The following RNF11 variants were observed in gnomAD, a reference collection of about 807,000 sequenced individuals.
The protein encoded by RNF11 is ring finger protein 11.
Under a neutral mutation model 15.8 loss-of-function variants are expected in RNF11, and 4 were observed. That is an observed-to-expected ratio of 0.25 (90% CI 0.12 to 0.58). The LOEUF (loss-of-function observed/expected upper bound fraction) is 0.58, where lower values mean the gene tolerates loss of function less well. RNF11 is among the 20% of genes least tolerant of loss of function. RNF11 has a pLI of 0.91. For synonymous variants in RNF11, 68 were observed against 72.3 expected, an observed-to-expected ratio of 0.94 and a Z score of 0.30; for missense variants, 139 against 194.4, an observed-to-expected ratio of 0.71 and a Z score of 1.70.
At chr1:51,262,221 C>A (rs1190586341) in intron 1 of RNF11, among the ~76,000 whole-genome samples, 2 of 152,178 alleles carry the variant, frequency 1.3e-5, no homozygotes, top group Admixed American at 6.5e-5. Flanking sequence ...AGCCACTGCA[C>A]TTGGCCCCAA....
intron 1 of RNF11, among the ~76,000 whole-genome samples, chr1:51,262,629 T>TGTG (rs1284660580): frequency 2.0e-5 from 3 of 151,664 alleles, no homozygotes; most frequent in Non-Finnish European, 4.4e-5. Context: ...CTTATTGCAA[T>TGTG]GCCACCTCCC....
rs1050538320 is a variant in RNF11, at chr1:51,272,670, C to G, written c.*1348C>G. On this transcript the variant is annotated 3_prime_UTR_variant, in exon 3 of 3. Coordinates refer to ENST00000242719, the MANE Select transcript of RNF11 (RefSeq NM_014372.5). The stretch of plus-strand genomic sequence containing the variant: ...TCCATTTAGCATGTGTTTATTTTTT[C>G]ATATGTACTCAAAGGTGACTTATTG... 4 of 152,096 alleles carry G rather than the reference C, an allele frequency of 2.6e-5. No homozygotes were observed. Among genetic ancestry groups the G allele is most frequent in the African/African-American group, 9.7e-5 (4 of 41,422 alleles). The allele number at this position is 152,096 out of a possible 1,614,324, so 9.4% of individuals were successfully genotyped here. A position where few individuals can be genotyped will look rare whatever the true frequency, so the allele number is the denominator to read the frequency against.
At chr1:51,243,197 T>G (rs570704494) in intron 1 of RNF11, among the ~76,000 whole-genome samples, 1 of 152,348 alleles carries the variant, frequency 6.6e-6, no homozygotes, top group African/African-American at 2.4e-5. Flanking sequence ...ATTAAACTTG[T>G]AAGATATCTT....
intron 1 of RNF11, among the ~76,000 whole-genome samples, chr1:51,259,909 C>G (rs1054095530): frequency 1.3e-5 from 2 of 152,136 alleles, no homozygotes; most frequent in Non-Finnish European, 2.9e-5. Context: ...TCTCTTTGTG[C>G]TTTTAATTTT....
In RNF11 at chr1:51,236,457, G is replaced by A; in HGVS notation, c.-300G>A. 4.5e-6 allele frequency: 1 copy of A among 220,794 alleles called. No individual in the cohort carries two copies. The highest frequency in any genetic ancestry group is 8.8e-6 in the Non-Finnish European group (1 of 113,958). 13.7% of individuals were successfully genotyped at this position (220,794 alleles called of 1,614,324 possible). A position where few individuals can be genotyped will look rare whatever the true frequency, so the allele number is the denominator to read the frequency against. On this transcript the variant is annotated 5_prime_UTR_variant, in exon 1 of 3. Transcript: ENST00000242719. ...GCCCAGCAGCTCCGTGGCCGCCGCC[G>A]CCCCGCGGGGGGGCGGGGTGGGGAA...
chr1:51,260,213 C>T (rs1646924225), intron 1 of RNF11, among the ~76,000 whole-genome samples: 1 of 152,126 alleles, frequency 6.6e-6, no homozygotes, highest in Non-Finnish European at 1.5e-5. Context: ...TTTATTTTGG[C>T]TTCCAGTTCA....
chr1:51,245,771 C>T (rs1434054978), intron 1 of RNF11, among the ~76,000 whole-genome samples: 1 of 152,118 alleles, frequency 6.6e-6, no homozygotes, highest in Non-Finnish European at 1.5e-5. Context: ...TTTTTAATAA[C>T]CCATATGAGT....
chr1:51,250,813 A>G, intron 1 of RNF11: 1 of 1,406,380 alleles, frequency 7.1e-7, no homozygotes, highest in Non-Finnish European at 9.9e-7. Context: ...GCTGAGGTGC[A>G]GCAGTCATCG....
At chr1:51,268,295 T>A (rs1236407582) in intron 1 of RNF11, among the ~76,000 whole-genome samples, 1 of 152,220 alleles carries the variant, frequency 6.6e-6, no homozygotes, top group Non-Finnish European at 1.5e-5. Flanking sequence ...TCATTTCCTT[T>A]CCTCTATGGT....
intron 1 of RNF11, among the ~76,000 whole-genome samples, chr1:51,252,081 C>CA (rs928146865): frequency 0.049 from 2,602 of 53,498 alleles, 51 homozygotes; most frequent in African/African-American, 0.06. Flanking sequence ...CATCTCAAAG[C>CA]AAAAAAAAAA....
At chr1:51,248,430 G>T (rs1167236901) in intron 1 of RNF11, among the ~76,000 whole-genome samples, 1 of 151,890 alleles carries the variant, frequency 6.6e-6, no homozygotes, top group African/African-American at 2.4e-5. Context: ...TCGAACTCCC[G>T]ACCTCAGGTG....
chr1:51,260,842 G>A (rs1205022030), intron 1 of RNF11, among the ~76,000 whole-genome samples: 1 of 152,160 alleles, frequency 6.6e-6, no homozygotes, highest in African/African-American at 2.4e-5. Context: ...AGAGGCAGTG[G>A]CAGTTAAGTT....
At chr1:51,250,179 TTATA>T (rs1218324947) in intron 1 of RNF11, among the ~76,000 whole-genome samples, 7 of 152,212 alleles carry the variant, frequency 4.6e-5, no homozygotes, top group African/African-American at 1.7e-4. Flanking sequence ...ATTGATATAA[TTATA>T]TATACTTATG....
Position 51,271,258 on chromosome 1 carries a change from T to TC in RNF11, c.402dup (p.Thr135HisfsTer10). 6.2e-7 allele frequency: 1 copy of TC among 1,614,126 alleles called. No individual in the cohort carries two copies. The highest frequency in any genetic ancestry group is 8.5e-7 in the Non-Finnish European group (1 of 1,179,998). ...ATAGATGACTGGTTGATGAGATCCTTCACGTGCCCCTCCTGCATGGAGCCA... is the reference window on the plus strand; with the variant it reads ...ATAGATGACTGGTTGATGAGATCCTTCCACGTGCCCCTCCTGCATGGAGCCA... On this transcript the variant is annotated frameshift_variant, in exon 3 of 3. Coordinates refer to ENST00000242719, the MANE Select transcript of RNF11 (RefSeq NM_014372.5). LOFTEE classifies it high-confidence loss of function.
At chr1:51,245,936 T>A (rs1646849942) in intron 1 of RNF11, among the ~76,000 whole-genome samples, 1 of 152,192 alleles carries the variant, frequency 6.6e-6, no homozygotes, top group Non-Finnish European at 1.5e-5. Flanking sequence ...TCCCTCTTCA[T>A]GTGCAGAATT....
At chr1:51,261,301 T>G (rs891668653) in intron 1 of RNF11, among the ~76,000 whole-genome samples, 1 of 152,132 alleles carries the variant, frequency 6.6e-6, no homozygotes, top group Non-Finnish European at 1.5e-5. Flanking sequence ...AAAAACGTTA[T>G]CTGAAATAGC....
intron 1 of RNF11, among the ~76,000 whole-genome samples, chr1:51,261,158 A>T (rs185444153): frequency 4.5e-4 from 69 of 152,268 alleles, no homozygotes; most frequent in Admixed American, 3.6e-3. Context: ...ACTCTGTAAG[A>T]TCTAAGTTCT....
chr1:51,273,443 G>A lies in RNF11; in HGVS notation c.*2121G>A, dbSNP rs1646989537. 6.6e-6 allele frequency: 1 copy of A among 152,148 alleles called. No homozygotes were observed. Among genetic ancestry groups the A allele is most frequent in the African/African-American group, 2.4e-5 (1 of 41,444 alleles). The allele number at this position is 152,148 out of a possible 1,614,324, so 9.4% of individuals were successfully genotyped here. A position where few individuals can be genotyped will look rare whatever the true frequency, so the allele number is the denominator to read the frequency against. On this transcript the variant is annotated 3_prime_UTR_variant, in exon 3 of 3. Coordinates refer to ENST00000242719, the MANE Select transcript of RNF11 (RefSeq NM_014372.5). ...TGTTAAATAAAGTTATAATACAGCT[G>A]TGAAGGGCTAAAGTTAGAGTTGATT...
chr1:51,262,219 C>T (rs1390925929), intron 1 of RNF11, among the ~76,000 whole-genome samples: 7 of 152,198 alleles, frequency 4.6e-5, no homozygotes, highest in Admixed American at 4.6e-4. Flanking sequence ...TGAGCCACTG[C>T]ACTTGGCCCC....
Sources: gnomAD v4.1 joint callset for allele counts (sites outside exome capture counted in the v4.1 genomes callset) on GRCh38, gnomAD v4.1.1 for gene constraint, MANE v1.5 for transcripts, NCBI Gene and HGNC (gene_info 2026-07-23, HGNC 2026-07-21) for gene names.